GRM7: variants seen among roughly 807,000 people sequenced by gnomAD.
GRM7 encodes the protein metabotropic glutamate receptor 7.
A neutral mutation model predicts 84.5 loss-of-function variants in GRM7; 35 were observed. That is an observed-to-expected ratio of 0.41 (90% CI 0.32 to 0.55). The LOEUF is 0.55. Among genes scored for constraint, GRM7 ranks in the 20% least tolerant of loss-of-function variants. The pLI, the probability that GRM7 is intolerant of heterozygous loss-of-function variation, is 0.19. For synonymous variants in GRM7, 487 were observed against 455.1 expected, an observed-to-expected ratio of 1.07 and a Z score of -0.89; for missense variants, 1,003 against 1,194.6, an observed-to-expected ratio of 0.84 and a Z score of 2.36.
intron 5 of GRM7, among the ~76,000 whole-genome samples, chr3:7,441,159 G>A (rs73015527): frequency 0.014 from 2,204 of 152,100 alleles, 25 homozygotes; most frequent in South Asian, 0.026. Context: ...ACCAGCATCT[G>A]ACCATTTAAT....
At chr3:7,101,106 G>T (rs1178301926) in intron 1 of GRM7, among the ~76,000 whole-genome samples, 1 of 151,526 alleles carries the variant, frequency 6.6e-6, no homozygotes, top group Non-Finnish European at 1.5e-5. Context: ...CATTTTTCTG[G>T]GAAAATTCTT....
intron 1 of GRM7, among the ~76,000 whole-genome samples, chr3:6,866,585 G>A (rs924815559): frequency 6.6e-6 from 1 of 152,078 alleles, no homozygotes; most frequent in Non-Finnish European, 1.5e-5. Context: ...ATATATCAAG[G>A]CTACTGGTAG....
At chr3:7,004,064 C>T (rs906250937) in intron 1 of GRM7, among the ~76,000 whole-genome samples, 1 of 152,084 alleles carries the variant, frequency 6.6e-6, no homozygotes, top group Non-Finnish European at 1.5e-5. Flanking sequence ...TGCTGGCTTC[C>T]CCCAGAATAA....
chr3:7,165,920 C>A (rs9815197), intron 2 of GRM7, among the ~76,000 whole-genome samples: 92,819 of 152,074 alleles, frequency 0.61, 30,698 homozygotes, highest in African/African-American at 0.88. Flanking sequence ...TTTTGCTTTT[C>A]AAGTAGCTTT....
At chr3:7,153,332 G>A (rs1365005059) in intron 2 of GRM7, among the ~76,000 whole-genome samples, 1 of 151,974 alleles carries the variant, frequency 6.6e-6, no homozygotes, top group Non-Finnish European at 1.5e-5. Context: ...AACCAGGGTT[G>A]TCTCTTTATG....
At chr3:7,653,059 C>T (rs1051342909) in intron 8 of GRM7, among the ~76,000 whole-genome samples, 10 of 152,152 alleles carry the variant, frequency 6.6e-5, no homozygotes, top group East Asian at 3.9e-4. Context: ...GCTCACATTT[C>T]CCCTTTGCAA....
chr3:7,051,437 G>A (rs1696995184), intron 1 of GRM7, among the ~76,000 whole-genome samples: 1 of 151,712 alleles, frequency 6.6e-6, no homozygotes, highest in Admixed American at 6.6e-5. Flanking sequence ...AATCCAAATG[G>A]CAGTCTATGA....
At chr3:7,382,133 A>G (rs1000317166) in intron 4 of GRM7, among the ~76,000 whole-genome samples, 2 of 152,190 alleles carry the variant, frequency 1.3e-5, no homozygotes, top group Admixed American at 1.3e-4. Flanking sequence ...TCTAAAAAAA[A>G]TTCTGCTTAC....
intron 2 of GRM7, among the ~76,000 whole-genome samples, chr3:7,157,800 T>A (rs1694501369): frequency 6.6e-6 from 1 of 151,696 alleles, no homozygotes; most frequent in African/African-American, 2.4e-5. Context: ...TTCCTTGAAA[T>A]GTAGAAGCGG....
At chr3:7,412,721 G>A (rs1277236382) in intron 4 of GRM7, among the ~76,000 whole-genome samples, 1 of 152,076 alleles carries the variant, frequency 6.6e-6, no homozygotes, top group Non-Finnish European at 1.5e-5. Flanking sequence ...GAAGCACCTG[G>A]AGATTAATTT....
At chr3:6,962,530 C>A (rs1165421062) in intron 1 of GRM7, among the ~76,000 whole-genome samples, 1 of 152,096 alleles carries the variant, frequency 6.6e-6, no homozygotes, top group Non-Finnish European at 1.5e-5. Flanking sequence ...ATGAGATTTT[C>A]TTCAACAGTC....
chr3:7,699,102 ATC>A (rs1701126400), intron 9 of GRM7, among the ~76,000 whole-genome samples: 1 of 152,184 alleles, frequency 6.6e-6, no homozygotes, highest in Non-Finnish European at 1.5e-5. Context: ...GCAAAGGGTA[ATC>A]TCTCAGAACA....
At chr3:6,983,148 A>G (rs1466288697) in intron 1 of GRM7, among the ~76,000 whole-genome samples, 1 of 152,216 alleles carries the variant, frequency 6.6e-6, no homozygotes, top group Non-Finnish European at 1.5e-5. Context: ...AGCAAAGTGA[A>G]GGATTGTAAA....
chr3:7,282,947 C>T (rs868156403), intron 2 of GRM7, among the ~76,000 whole-genome samples: 1 of 152,102 alleles, frequency 6.6e-6, no homozygotes, highest in Non-Finnish European at 1.5e-5. Flanking sequence ...CCCTCGGCTT[C>T]GAGATTTAGG....
intron 8 of GRM7, among the ~76,000 whole-genome samples, chr3:7,589,030 T>C (rs1695652770): frequency 6.6e-6 from 1 of 152,230 alleles, no homozygotes. Flanking sequence ...GCTGGCGAAA[T>C]CTGCCTTCCA....
chr3:7,171,269 T>A (rs563518934), intron 2 of GRM7, among the ~76,000 whole-genome samples: 1 of 152,158 alleles, frequency 6.6e-6, no homozygotes, highest in South Asian at 2.1e-4. Context: ...TCCCTCTGCT[T>A]GTCTGTGTTT....
intron 6 of GRM7, among the ~76,000 whole-genome samples, chr3:7,461,089 G>C (rs1206030794): frequency 6.6e-6 from 1 of 152,156 alleles, no homozygotes; most frequent in Non-Finnish European, 1.5e-5. Context: ...ACAATGAGTA[G>C]AAAAGTACAT....
chr3:7,124,313 G>A (rs765512979), intron 1 of GRM7, among the ~76,000 whole-genome samples: 1 of 152,112 alleles, frequency 6.6e-6, no homozygotes, highest in African/African-American at 2.4e-5. Flanking sequence ...TTGATAGAGC[G>A]GGTCCTTTTA....
chr3:7,354,978 G>A (rs6796630), intron 4 of GRM7, among the ~76,000 whole-genome samples: 48,185 of 151,904 alleles, frequency 0.32, 7,851 homozygotes, highest in South Asian at 0.43. Flanking sequence ...TTTCCCTTCC[G>A]CAAGATATCT....
Sources: allele counts gnomAD v4.1 joint callset (sites outside exome capture counted in the v4.1 genomes callset), GRCh38; gene constraint gnomAD v4.1.1; transcripts MANE v1.5; gene names NCBI Gene and HGNC (gene_info 2026-07-23, HGNC 2026-07-21).